CADM2: variants seen among roughly 807,000 people sequenced by gnomAD.
CADM2 encodes the protein cell adhesion molecule 2, also known as immunoglobulin superfamily member 4D.
In CADM2, 12 loss-of-function variants were observed where a neutral mutation model predicts 49.8. That is an observed-to-expected ratio of 0.24 (90% CI 0.15 to 0.39). The LOEUF is 0.39. Among genes scored for constraint, CADM2 ranks in the 10% least tolerant of loss-of-function variants. The pLI, the probability that CADM2 is intolerant of heterozygous loss-of-function variation, is 1.00. For missense variants in CADM2, 378 were observed against 492.3 expected (o/e 0.77, Z 2.20); for synonymous variants, 214 against 175.4 (o/e 1.22, Z -1.74).
intron 2 of CADM2, among the ~76,000 whole-genome samples, chr3:85,741,540 T>C (rs1337092927): frequency 1.3e-5 from 2 of 150,286 alleles, no homozygotes; most frequent in African/African-American, 5.0e-5. Context: ...TGGTGGTGCA[T>C]GCCTGCAATC....
intron 1 of CADM2, among the ~76,000 whole-genome samples, chr3:84,991,143 C>T (rs1400150227): frequency 1.3e-5 from 2 of 152,064 alleles, no homozygotes; most frequent in Admixed American, 1.3e-4. Flanking sequence ...GTACTCTTCT[C>T]ATGGCCTGCA....
intron 1 of CADM2, among the ~76,000 whole-genome samples, chr3:85,686,754 C>G (rs2066229076): frequency 6.6e-6 from 1 of 152,148 alleles, no homozygotes; most frequent in Non-Finnish European, 1.5e-5. Flanking sequence ...CCCCTCTGCT[C>G]ACCGAAATAA....
chr3:85,628,569 A>T (rs988660216), intron 1 of CADM2, among the ~76,000 whole-genome samples: 1 of 141,452 alleles, frequency 7.1e-6, no homozygotes, highest in African/African-American at 2.7e-5. Context: ...ATATATATAC[A>T]TATATACACA....
intron 1 of CADM2, among the ~76,000 whole-genome samples, chr3:85,724,062 A>G (rs1347975550): frequency 2.6e-5 from 4 of 152,038 alleles, no homozygotes; most frequent in Non-Finnish European, 5.9e-5. Context: ...AAAAAAGGAA[A>G]ATAATTTTAA....
At chr3:86,048,141 C>T (rs1179461820) in intron 8 of CADM2, among the ~76,000 whole-genome samples, 2 of 151,894 alleles carry the variant, frequency 1.3e-5, no homozygotes, top group Non-Finnish European at 2.9e-5. Flanking sequence ...AAGACATCAA[C>T]TAAATGTTAT....
chr3:86,048,662 G>T (rs1736963508), intron 8 of CADM2, among the ~76,000 whole-genome samples: 1 of 151,962 alleles, frequency 6.6e-6, no homozygotes, highest in African/African-American at 2.4e-5. Flanking sequence ...CTATCCTGTG[G>T]TTATCTCCCA....
intron 8 of CADM2, among the ~76,000 whole-genome samples, chr3:85,988,204 A>G (rs1366358011): frequency 6.6e-6 from 1 of 152,210 alleles, no homozygotes; most frequent in Non-Finnish European, 1.5e-5. Context: ...GATAATTGTA[A>G]TATTTTAAAA....
At chr3:85,183,142 A>T (rs1431556831) in intron 1 of CADM2, among the ~76,000 whole-genome samples, 1 of 152,106 alleles carries the variant, frequency 6.6e-6, no homozygotes, top group Admixed American at 6.6e-5. Flanking sequence ...CTTTTCAGAG[A>T]TTGCATCAGT....
intron 1 of CADM2, among the ~76,000 whole-genome samples, chr3:85,563,789 TA>T (rs2062171605): frequency 6.6e-6 from 1 of 152,156 alleles, no homozygotes; most frequent in Non-Finnish European, 1.5e-5. Flanking sequence ...ATTCTCCATA[TA>T]AATGATTGTT....
chr3:85,460,097 A>G (rs2038172647), intron 1 of CADM2, among the ~76,000 whole-genome samples: 1 of 152,144 alleles, frequency 6.6e-6, no homozygotes, highest in South Asian at 2.1e-4. Flanking sequence ...TTGATACCTT[A>G]AACTGTACAA....
At chr3:85,575,932 C>G (rs1003209654) in intron 1 of CADM2, among the ~76,000 whole-genome samples, 6 of 152,106 alleles carry the variant, frequency 3.9e-5, no homozygotes, top group African/African-American at 1.2e-4. Context: ...ACTAAGCGCT[C>G]AAGACTTCTC....
intron 1 of CADM2, among the ~76,000 whole-genome samples, chr3:85,047,123 A>T (rs1011771611): frequency 2.6e-5 from 4 of 152,178 alleles, no homozygotes; most frequent in Non-Finnish European, 5.9e-5. Flanking sequence ...TTCTTTTTAT[A>T]TCACATTCCC....
chr3:85,969,149 T>A (rs565235158), intron 8 of CADM2, among the ~76,000 whole-genome samples: 34 of 151,708 alleles, frequency 2.2e-4, no homozygotes, highest in Admixed American at 2.2e-3. Context: ...ATAAACGTTT[T>A]AAATGCATAT....
At chr3:85,219,868 TTTCATAA>T (rs1194518623) in intron 1 of CADM2, among the ~76,000 whole-genome samples, 1 of 152,174 alleles carries the variant, frequency 6.6e-6, no homozygotes, top group Non-Finnish European at 1.5e-5. Context: ...GACATGATAT[TTTCATAA>T]TACAACTGCA....
At chr3:85,984,735 A>C (rs2108680510) in intron 8 of CADM2, among the ~76,000 whole-genome samples, 1 of 152,074 alleles carries the variant, frequency 6.6e-6, no homozygotes, top group African/African-American at 2.4e-5. Flanking sequence ...AGAAATCCAA[A>C]AAATGGTGAT....
At chr3:85,882,823 A>G (rs1196326259) in intron 3 of CADM2, among the ~76,000 whole-genome samples, 1 of 152,174 alleles carries the variant, frequency 6.6e-6, no homozygotes, top group East Asian at 1.9e-4. Flanking sequence ...CTCAAGTTGA[A>G]ATAGTTCAAG....
intron 8 of CADM2, among the ~76,000 whole-genome samples, chr3:85,985,725 T>G (rs571824125): frequency 1.3e-5 from 2 of 152,024 alleles, no homozygotes; most frequent in Admixed American, 6.6e-5. Flanking sequence ...CTGAAAGATC[T>G]TAATAAATAA....
At chr3:85,879,306 T>C (rs1712385025) in intron 3 of CADM2, among the ~76,000 whole-genome samples, 1 of 152,050 alleles carries the variant, frequency 6.6e-6, no homozygotes, top group South Asian at 2.1e-4. Context: ...CTGCTTTATT[T>C]TTCACATTCA....
At chr3:85,603,478 A>G (rs1394508055) in intron 1 of CADM2, among the ~76,000 whole-genome samples, 1 of 151,950 alleles carries the variant, frequency 6.6e-6, no homozygotes, top group Non-Finnish European at 1.5e-5. Context: ...GTGTCAGCTC[A>G]CAGGACTCTA....
Sources: gnomAD v4.1 joint callset for allele counts (sites outside exome capture counted in the v4.1 genomes callset) on GRCh38, gnomAD v4.1.1 for gene constraint, MANE v1.5 for transcripts, NCBI Gene and HGNC (gene_info 2026-07-23, HGNC 2026-07-21) for gene names.